The following CAMTA1 variants were observed in gnomAD, a reference collection of about 807,000 sequenced individuals.
CAMTA1 encodes calmodulin-binding transcription activator 1.
In CAMTA1, 27 loss-of-function variants were observed where a neutral mutation model predicts 170.9. The observed-to-expected ratio is 0.16, with a 90% CI of 0.12 to 0.22. The LOEUF (loss-of-function observed/expected upper bound fraction) is 0.22. Among genes scored for constraint, CAMTA1 ranks in the 10% least tolerant of loss-of-function variants. The pLI is 1.00. For synonymous variants in CAMTA1, 833 were observed against 891.5 expected (o/e 0.93, Z 1.17); for missense variants, 1,619 against 2,217.2 (o/e 0.73, Z 5.42).
At chr1:7,142,501 ATGGGATCCTAATGCTGGAGG>A (rs1486900373) in intron 4 of CAMTA1, among the ~76,000 whole-genome samples, 15 of 152,140 alleles carry the variant, frequency 9.9e-5, no homozygotes, top group African/African-American at 3.6e-4. Context: ...ACCTGTTACA[ATGGGATCCTAATGCTGGAGG>A]TGGGACCTAA....
At position 7,329,186 on chromosome 1, in the gene CAMTA1, G is replaced by GA. The variant is rs35478260; in HGVS notation, c.438+79570dup. Among the ~76,000 whole-genome samples the GA allele has an allele frequency of 2.5e-4, 38 of 149,500 alleles. No homozygotes were observed. In the South Asian group the frequency reaches 4.4e-3, roughly 17 times the overall value. ...GTCAAAGAAGTTGAAGTAACATCTT[G>GA]AAAAAAAAAATCCCAAGCTCTAAAT... On this transcript the variant is annotated intron_variant, in intron 5 of 22. Transcript: ENST00000303635.
At chr1:7,526,844 C>T (rs1750832) in intron 6 of CAMTA1, among the ~76,000 whole-genome samples, 72,778 of 152,090 alleles carry the variant, frequency 0.48, 18,197 homozygotes, top group African/African-American at 0.55. Flanking sequence ...GACCACCCCT[C>T]CAGCCAGGGC....
chr1:6,882,076 C>T (rs930216266), intron 3 of CAMTA1, among the ~76,000 whole-genome samples: 2 of 152,200 alleles, frequency 1.3e-5, no homozygotes, highest in African/African-American at 4.8e-5. Context: ...GGCCCACTGC[C>T]TGTTTCTATA....
intron 5 of CAMTA1, among the ~76,000 whole-genome samples, chr1:7,441,922 G>A (rs1242872244): frequency 1.3e-5 from 2 of 152,188 alleles, no homozygotes; most frequent in African/African-American, 2.4e-5. Context: ...GACTCTGGGT[G>A]GAATCAAGGT....
At chr1:6,802,592 A>C (rs758589837) in intron 1 of CAMTA1, among the ~76,000 whole-genome samples, 13 of 152,230 alleles carry the variant, frequency 8.5e-5, no homozygotes, top group Non-Finnish European at 1.5e-4. Flanking sequence ...TTATGTTCAG[A>C]TGCTATAGAG....
chr1:6,943,203 T>C (rs1179657087), intron 3 of CAMTA1, among the ~76,000 whole-genome samples: 1 of 151,476 alleles, frequency 6.6e-6, no homozygotes, highest in African/African-American at 2.4e-5. Context: ...TCCTCCCCTC[T>C]TCTCCTCCTC....
At chr1:6,936,038 CAG>C (rs1328550064) in intron 3 of CAMTA1, among the ~76,000 whole-genome samples, 1 of 152,214 alleles carries the variant, frequency 6.6e-6, no homozygotes, top group East Asian at 1.9e-4. Flanking sequence ...AGGATGGCCT[CAG>C]AGAATTGCCT....
chr1:7,734,145 C>G (rs1395701222), intron 12 of CAMTA1, among the ~76,000 whole-genome samples: 1 of 152,112 alleles, frequency 6.6e-6, no homozygotes, highest in African/African-American at 2.4e-5. Flanking sequence ...CGGGGTTTCC[C>G]CACCTTGGTC....
chr1:7,318,943 G>A (rs1433842603), intron 5 of CAMTA1, among the ~76,000 whole-genome samples: 6 of 152,212 alleles, frequency 3.9e-5, no homozygotes, highest in African/African-American at 7.2e-5. Flanking sequence ...GCACGAAATC[G>A]TGTGTGTTGG....
chr1:7,752,122 CCTCT>C (rs1398380497), intron 20 of CAMTA1, among the ~76,000 whole-genome samples: 1 of 152,170 alleles, frequency 6.6e-6, no homozygotes, highest in Non-Finnish European at 1.5e-5. Flanking sequence ...ACTAAGAAAG[CCTCT>C]CTAATGCCAG....
intron 11 of CAMTA1, among the ~76,000 whole-genome samples, chr1:7,684,946 T>G (rs1010922988): frequency 6.6e-6 from 1 of 152,050 alleles, no homozygotes; most frequent in Non-Finnish European, 1.5e-5. Flanking sequence ...GCCCTAGGTG[T>G]TGTGAGAAGC....
intron 4 of CAMTA1, among the ~76,000 whole-genome samples, chr1:7,197,678 AAT>A (rs1655820017): frequency 7.2e-6 from 1 of 139,138 alleles, no homozygotes; most frequent in African/African-American, 2.6e-5. Flanking sequence ...ACACACACAC[AAT>A]CTACTTGCTT....
intron 2 of CAMTA1, among the ~76,000 whole-genome samples, chr1:6,824,438 C>A (rs1027501165): frequency 1.3e-5 from 2 of 151,934 alleles, no homozygotes; most frequent in Admixed American, 6.6e-5. Context: ...TTCTCTAACT[C>A]ATTTAGAAGA....
At position 7,195,744 on chromosome 1, in the gene CAMTA1, C is replaced by T. The variant is rs547107025; in HGVS notation, c.303-53747C>T. ...CGATTAAGAGAGCTTGTGGGCTGGGCGCAGTGGCTCATGCCTGTAATCCCA... is the reference window on the plus strand; with the variant it reads ...CGATTAAGAGAGCTTGTGGGCTGGGTGCAGTGGCTCATGCCTGTAATCCCA... On this transcript the variant is annotated intron_variant, in intron 4 of 22. Transcript: ENST00000303635. The surrounding 1 kb of genome is among the most constrained non-coding windows in gnomAD (Gnocchi z 4.1). Among the ~76,000 whole-genome samples the T allele has an allele frequency of 9.8e-5, 15 of 152,298 alleles. No individual in the cohort carries two copies. The South Asian group carries it at 2.1e-3, about 21-fold the overall frequency.
intron 3 of CAMTA1, among the ~76,000 whole-genome samples, chr1:6,922,977 A>G (rs1277899402): frequency 6.6e-6 from 1 of 152,104 alleles, no homozygotes; most frequent in Non-Finnish European, 1.5e-5. Flanking sequence ...ACTTGTATGA[A>G]GTGATAAATT....
chr1:7,465,338 T>A (rs2093185343), intron 5 of CAMTA1, among the ~76,000 whole-genome samples: 1 of 152,184 alleles, frequency 6.6e-6, no homozygotes, highest in Non-Finnish European at 1.5e-5. Flanking sequence ...TCCCATTCCC[T>A]GTGGGCTTCC....
At chr1:6,891,746 C>A in intron 3 of CAMTA1, among the ~76,000 whole-genome samples, 1 of 152,106 alleles carries the variant, frequency 6.6e-6, no homozygotes, top group African/African-American at 2.4e-5. Flanking sequence ...AGTCCACCAG[C>A]CAATTTTAAT....
In CAMTA1 at chr1:7,404,351, C is replaced by G. The variant is rs575281785; in HGVS notation, c.439-63479C>G. 7.9e-5 allele frequency among the ~76,000 whole-genome samples: 12 copies of G among 152,366 alleles called. No homozygotes were observed. The East Asian group carries it at 2.3e-3, about 29-fold the overall frequency. On this transcript the variant is annotated intron_variant, in intron 5 of 22. Transcript: ENST00000303635. ...CTCTCCAAAAGCCTCCTCCAACACC[C>G]AACACCCTATTCCGTACAATTCTAT...
chr1:6,848,921 T>C (rs1659339782), intron 3 of CAMTA1, among the ~76,000 whole-genome samples: 1 of 152,180 alleles, frequency 6.6e-6, no homozygotes, highest in Admixed American at 6.5e-5. Flanking sequence ...AATGGGCTCA[T>C]AGGAGAATAA....
Sources: allele counts gnomAD v4.1 joint callset (sites outside exome capture counted in the v4.1 genomes callset), GRCh38; gene constraint gnomAD v4.1.1; non-coding constraint Gnocchi (gnomAD v3.1); transcripts MANE v1.5; gene names NCBI Gene and HGNC (gene_info 2026-07-23, HGNC 2026-07-21).